Variants in SUGCT observed in about 807,000 individuals in gnomAD.
The protein encoded by SUGCT is succinyl-CoA:glutarate CoA-transferase.
A neutral mutation model predicts 55.0 loss-of-function variants in SUGCT; 41 were observed. That is an observed-to-expected ratio of 0.74 (90% CI 0.58 to 0.97). SUGCT has a LOEUF of 0.97. Ranked by LOEUF, SUGCT falls within the 50% of genes least tolerant of loss-of-function variation. The pLI is 0.00. For synonymous variants in SUGCT, 187 were observed against 200.4 expected (o/e 0.93, Z 0.56); for missense variants, 568 against 547.8 (o/e 1.04, Z -0.37).
intron 9 of SUGCT, among the ~76,000 whole-genome samples, chr7:40,421,946 T>A (rs908987167): frequency 6.6e-6 from 1 of 152,146 alleles, no homozygotes; most frequent in Non-Finnish European, 1.5e-5. Flanking sequence ...CCCAACTCTT[T>A]CCCTTAGGTG....
At chr7:40,749,403 A>T in intron 12 of SUGCT, 31 bp from the exon 13 acceptor site, 1 of 1,588,844 alleles carries the variant, frequency 6.3e-7, no homozygotes. Context: ...TATTTTGTAA[A>T]TTATTTTTCT....
intron 1 of SUGCT, among the ~76,000 whole-genome samples, chr7:40,163,475 C>T (rs748120365): frequency 1.2e-4 from 18 of 151,862 alleles, no homozygotes; most frequent in African/African-American, 2.4e-4. Context: ...CGTGGTGGCG[C>T]GCACCTGTAG....
At chr7:40,252,955 T>A (rs1224942824) in intron 7 of SUGCT, among the ~76,000 whole-genome samples, 1 of 152,236 alleles carries the variant, frequency 6.6e-6, no homozygotes, top group Non-Finnish European at 1.5e-5. Flanking sequence ...CTAAAACTTA[T>A]TAAAGCTAAT....
intron 11 of SUGCT, among the ~76,000 whole-genome samples, chr7:40,467,637 A>G (rs1480034892): frequency 1.3e-5 from 2 of 152,218 alleles, no homozygotes; most frequent in East Asian, 3.8e-4. Context: ...TTTCTATATT[A>G]GTTTTAAATT....
intron 9 of SUGCT, among the ~76,000 whole-genome samples, chr7:40,335,161 T>A (rs1378964065): frequency 1.3e-5 from 2 of 152,222 alleles, no homozygotes; most frequent in African/African-American, 4.8e-5. Flanking sequence ...TGTAGCCTTG[T>A]AGTATAGTTT....
intron 12 of SUGCT, among the ~76,000 whole-genome samples, chr7:40,640,921 A>G (rs1361704816): frequency 6.6e-6 from 1 of 152,232 alleles, no homozygotes; most frequent in African/African-American, 2.4e-5. Context: ...CCAAGGAAGG[A>G]CCTGGGGCTG....
At chr7:40,391,495 A>G (rs1270545363) in intron 9 of SUGCT, among the ~76,000 whole-genome samples, 1 of 152,250 alleles carries the variant, frequency 6.6e-6, no homozygotes, top group African/African-American at 2.4e-5. Context: ...ACACTTCTCA[A>G]AAGAAGACAT....
chr7:40,769,617 G>A (rs1788987397), intron 13 of SUGCT, among the ~76,000 whole-genome samples: 1 of 152,168 alleles, frequency 6.6e-6, no homozygotes, highest in Non-Finnish European at 1.5e-5. Flanking sequence ...ACTGAAAAAG[G>A]CAAGGAAATG....
the SUGCT span, among the ~76,000 whole-genome samples, chr7:40,988,949 CACA>C: frequency 6.6e-6 from 1 of 151,616 alleles, no homozygotes; most frequent in Admixed American, 6.6e-5. Flanking sequence ...TGATTCCAGA[CACA>C]ACAATACAGC....
At position 40,445,711 on chromosome 7, in the gene SUGCT, C is replaced by T. The variant is rs577513649; in HGVS notation, c.817-3576C>T. ...CACAACAAAAAAAGAGAATTTTAGA[C>T]CAATATCCATGATGAACATCTATGC... On this transcript the variant is annotated intron_variant, in intron 9 of 13. Coordinates refer to ENST00000335693, the MANE Select transcript of SUGCT (RefSeq NM_001193313.2). Among the ~76,000 whole-genome samples the T allele has an allele frequency of 2.6e-5, 4 of 152,220 alleles. No homozygotes were observed. In the South Asian group the frequency reaches 8.3e-4, roughly 32 times the overall value.
intron 12 of SUGCT, among the ~76,000 whole-genome samples, chr7:40,616,702 G>A (rs183259361): frequency 1.4e-3 from 209 of 152,288 alleles, no homozygotes; most frequent in African/African-American, 4.8e-3. Flanking sequence ...GTGGCCATAA[G>A]GACTATTGTC....
intron 12 of SUGCT, among the ~76,000 whole-genome samples, chr7:40,560,042 T>C (rs1468724148): frequency 4.6e-5 from 7 of 152,174 alleles, no homozygotes. Context: ...GGCAAAAGGG[T>C]AGTTTGCTAT....
At chr7:40,284,052 A>G (rs903844220) in intron 8 of SUGCT, among the ~76,000 whole-genome samples, 2 of 152,076 alleles carry the variant, frequency 1.3e-5, no homozygotes, top group Non-Finnish European at 2.9e-5. Context: ...CATAGAAAGA[A>G]AAATATCACA....
At chr7:40,246,699 C>T (rs572381083) in intron 7 of SUGCT, among the ~76,000 whole-genome samples, 38 of 150,100 alleles carry the variant, frequency 2.5e-4, no homozygotes, top group South Asian at 1.9e-3. Flanking sequence ...AAGGTTCAAG[C>T]GATTCTCGTG....
chr7:41,027,250 G>A, the SUGCT span, among the ~76,000 whole-genome samples: 2 of 151,998 alleles, frequency 1.3e-5, no homozygotes, highest in Non-Finnish European at 2.9e-5. Flanking sequence ...AAGACGTCTT[G>A]GGAAATTTCA....
At chr7:40,508,298 C>T (rs902825003) in intron 12 of SUGCT, among the ~76,000 whole-genome samples, 1 of 152,216 alleles carries the variant, frequency 6.6e-6, no homozygotes. Context: ...CTTGGCCTGC[C>T]GTGCCTAAGG....
At chr7:40,867,101 T>G in the SUGCT span, among the ~76,000 whole-genome samples, 1 of 149,770 alleles carries the variant, frequency 6.7e-6, no homozygotes, top group Non-Finnish European at 1.5e-5. Context: ...ACAAGACGCA[T>G]CCATGTAAAA....
chr7:40,484,124 A>G lies in SUGCT; in HGVS notation c.987-12160A>G, dbSNP rs543432408. ...TTGCCCATGGTCACAAAAGTAGATT[A>G]AGATTAAATGTCAGACTTATCTTCT... is the stretch of plus-strand genomic sequence containing the variant. On this transcript the variant is annotated intron_variant, in intron 11 of 13. Coordinates refer to ENST00000335693, the MANE Select transcript of SUGCT (RefSeq NM_001193313.2). 7.9e-5 allele frequency among the ~76,000 whole-genome samples: 12 copies of G among 152,342 alleles called. No homozygotes were observed. The South Asian group carries it at 8.3e-4, about 11-fold the overall frequency.
At chr7:40,516,911 G>A (rs528055539) in intron 12 of SUGCT, among the ~76,000 whole-genome samples, 21 of 151,934 alleles carry the variant, frequency 1.4e-4, no homozygotes, top group South Asian at 6.2e-4. Flanking sequence ...TGCAATTTTC[G>A]TTCATACTGA....
Sources: allele counts gnomAD v4.1 joint callset (sites outside exome capture counted in the v4.1 genomes callset), GRCh38; gene constraint gnomAD v4.1.1; transcripts MANE v1.5; gene names NCBI Gene and HGNC (gene_info 2026-07-23, HGNC 2026-07-21).